CNTN5: variants seen among roughly 807,000 people sequenced by gnomAD.
CNTN5 encodes the protein contactin 5.
CNTN5 carries 77 observed loss-of-function variants against 129.1 expected under a neutral mutation model. The observed-to-expected ratio is 0.60, with a 90% CI of 0.50 to 0.72. The LOEUF is 0.72. CNTN5 is among the 30% of genes least tolerant of loss of function. CNTN5 has a pLI of 0.00. For missense variants in CNTN5, 1,478 were observed against 1,328.8 expected (o/e 1.11, Z -1.75); for synonymous variants, 509 against 465.6 (o/e 1.09, Z -1.20).
At chr11:99,929,265 G>C (rs1398602798) in intron 7 of CNTN5, among the ~76,000 whole-genome samples, 1 of 152,074 alleles carries the variant, frequency 6.6e-6, no homozygotes, top group African/African-American at 2.4e-5. Flanking sequence ...TCTGTCTTCT[G>C]AGCCCTCTAA....
intron 2 of CNTN5, among the ~76,000 whole-genome samples, chr11:99,355,174 G>A (rs972831730): frequency 2.0e-5 from 3 of 151,986 alleles, no homozygotes; most frequent in Non-Finnish European, 2.9e-5. Flanking sequence ...AACATGTTTC[G>A]TTTTTCTTCC....
intron 2 of CNTN5, among the ~76,000 whole-genome samples, chr11:99,520,327 G>T (rs899248557): frequency 6.6e-6 from 1 of 151,938 alleles, no homozygotes. Flanking sequence ...TGCTTTTAAT[G>T]AACTATTATT....
At chr11:100,117,454 A>G (rs1336809768) in intron 13 of CNTN5, among the ~76,000 whole-genome samples, 1 of 152,008 alleles carries the variant, frequency 6.6e-6, no homozygotes, top group Non-Finnish European at 1.5e-5. Flanking sequence ...AAATCTATGA[A>G]GTTTCCTGGC....
intron 3 of CNTN5, among the ~76,000 whole-genome samples, chr11:99,702,847 T>C (rs1217091730): frequency 6.6e-6 from 1 of 150,934 alleles, no homozygotes; most frequent in African/African-American, 2.4e-5. Context: ...GTAGGAATCA[T>C]CTCTCCAGGA....
intron 1 of CNTN5, among the ~76,000 whole-genome samples, chr11:99,213,045 G>A (rs970346760): frequency 6.6e-6 from 1 of 151,628 alleles, no homozygotes; most frequent in African/African-American, 2.4e-5. Flanking sequence ...CAAAAAATTA[G>A]CTGGGCGTGG....
intron 2 of CNTN5, among the ~76,000 whole-genome samples, chr11:99,422,127 C>A (rs573735267): frequency 1.3e-5 from 2 of 152,194 alleles, no homozygotes; most frequent in African/African-American, 4.8e-5. Flanking sequence ...AGGGAAGAAT[C>A]ATGAACAGAA....
At chr11:99,991,522 A>G (rs1169274873) in intron 8 of CNTN5, among the ~76,000 whole-genome samples, 13 of 152,184 alleles carry the variant, frequency 8.5e-5, no homozygotes, top group African/African-American at 2.9e-4. Context: ...TTCTGGTTGC[A>G]ACTGAGAAAC....
At chr11:100,085,153 G>A (rs1035665501) in intron 13 of CNTN5, among the ~76,000 whole-genome samples, 1 of 151,960 alleles carries the variant, frequency 6.6e-6, no homozygotes, top group African/African-American at 2.4e-5. Flanking sequence ...ATTCTGTCTG[G>A]GTGTGGCGCT....
chr11:100,250,413 C>A (rs61097455), intron 16 of CNTN5, among the ~76,000 whole-genome samples: 1 of 151,260 alleles, frequency 6.6e-6, no homozygotes, highest in South Asian at 2.1e-4. Flanking sequence ...ATCTTTCCTT[C>A]TACAAATATT....
In CNTN5 at chr11:99,568,921, G is replaced by A. The variant is rs1353122266; in HGVS notation, c.55+12652G>A. Among the ~76,000 whole-genome samples, 7 of 151,968 alleles carry A rather than the reference G, an allele frequency of 4.6e-5. No homozygotes were observed. In the East Asian group the frequency reaches 7.7e-4, roughly 17 times the overall value. ...GAAGATTTTTCTTTTCTATTATCTG[G>A]AAAAGAACATTTTCCATTCTAATTT... On this transcript the variant is annotated intron_variant, in intron 3 of 24. Transcript: ENST00000524871.
chr11:100,163,971 T>C (rs1279215015), intron 13 of CNTN5, among the ~76,000 whole-genome samples: 1 of 151,850 alleles, frequency 6.6e-6, no homozygotes, highest in East Asian at 1.9e-4. Flanking sequence ...AGAAGTTGCA[T>C]AACTCACCCA....
chr11:100,066,437 C>G (rs919315241), intron 10 of CNTN5, among the ~76,000 whole-genome samples: 9 of 152,096 alleles, frequency 5.9e-5, no homozygotes, highest in African/African-American at 2.2e-4. Flanking sequence ...TAGCATTTAT[C>G]AGTAGAGAGT....
intron 1 of CNTN5, among the ~76,000 whole-genome samples, chr11:99,092,491 A>G (rs1866292952): frequency 6.6e-6 from 1 of 152,082 alleles, no homozygotes; most frequent in South Asian, 2.1e-4. Flanking sequence ...ATGTTGATCA[A>G]TTGCACTTAT....
chr11:99,148,751 T>C (rs1859907267), intron 1 of CNTN5, among the ~76,000 whole-genome samples: 1 of 152,178 alleles, frequency 6.6e-6, no homozygotes, highest in South Asian at 2.1e-4. Flanking sequence ...AATATAATTA[T>C]ATCTTTATTT....
At chr11:99,897,516 T>C (rs1251358176) in intron 6 of CNTN5, among the ~76,000 whole-genome samples, 1 of 150,882 alleles carries the variant, frequency 6.6e-6, no homozygotes, top group Admixed American at 6.6e-5. Flanking sequence ...AAAAAAAAAA[T>C]GTCAGCTAAG....
chr11:100,288,401 C>G (rs989188223), intron 18 of CNTN5, among the ~76,000 whole-genome samples: 3 of 152,112 alleles, frequency 2.0e-5, no homozygotes, highest in Non-Finnish European at 4.4e-5. Context: ...GAAATTATAA[C>G]AAACTATCTC....
At chr11:100,240,357 G>C (rs1229451948) in intron 16 of CNTN5, among the ~76,000 whole-genome samples, 1 of 152,112 alleles carries the variant, frequency 6.6e-6, no homozygotes, top group Non-Finnish European at 1.5e-5. Flanking sequence ...CCGTATGACA[G>C]CAGTCATCTT....
chr11:99,652,509 G>A (rs773502809), intron 3 of CNTN5, among the ~76,000 whole-genome samples: 27 of 152,070 alleles, frequency 1.8e-4, no homozygotes, highest in Non-Finnish European at 2.9e-4. Flanking sequence ...GCGGTATTAC[G>A]AAGTACATCT....
chr11:100,197,639 A>G (rs1948677652), intron 15 of CNTN5, among the ~76,000 whole-genome samples: 1 of 152,134 alleles, frequency 6.6e-6, no homozygotes, highest in African/African-American at 2.4e-5. Context: ...CACAGTCTTA[A>G]TGGAGGACTG....
Sources: gnomAD v4.1 joint callset for allele counts (sites outside exome capture counted in the v4.1 genomes callset) on GRCh38, gnomAD v4.1.1 for gene constraint, MANE v1.5 for transcripts, NCBI Gene and HGNC (gene_info 2026-07-23, HGNC 2026-07-21) for gene names.